The following OCA2 variants were observed in gnomAD, a reference collection of about 807,000 sequenced individuals.
The protein encoded by OCA2 is P protein.
In OCA2, 77 loss-of-function variants were observed where a neutral mutation model predicts 100.2. The observed-to-expected ratio is 0.77, with a 90% CI of 0.64 to 0.93. The LOEUF (loss-of-function observed/expected upper bound fraction) is 0.93. Among genes scored for constraint, OCA2 ranks in the 40% least tolerant of loss-of-function variants. The pLI is 0.00. For synonymous variants in OCA2, 432 were observed against 439.2 expected, an observed-to-expected ratio of 0.98 and a Z score of 0.21; for missense variants, 1,062 against 1,089.1, an observed-to-expected ratio of 0.98 and a Z score of 0.35.
chr15:27,785,394 G>A (rs961495644), intron 23 of OCA2, among the ~76,000 whole-genome samples: 5 of 151,976 alleles, frequency 3.3e-5, no homozygotes, highest in South Asian at 2.1e-4. Context: ...ATATATGAAC[G>A]AATTAACAAA....
At chr15:27,870,713 AAGGAAGGAAAGAAGGAAGG>A (rs1251136112) in intron 21 of OCA2, among the ~76,000 whole-genome samples, 1,553 of 117,532 alleles carry the variant, frequency 0.013, 29 homozygotes, top group African/African-American at 0.04. Flanking sequence ...GGAAGGAAGG[AAGGAAGGAAAGAAGGAAGG>A]AAGGGAGGGA....
At chr15:27,735,445 T>A in the OCA2 span, among the ~76,000 whole-genome samples, 2 of 152,022 alleles carry the variant, frequency 1.3e-5, no homozygotes, top group South Asian at 4.2e-4. Context: ...AAAGGATATT[T>A]AAAGAAATAA....
At chr15:28,027,742 T>A (rs2042796044) in intron 4 of OCA2, 129 bp downstream of exon 4, 1 of 955,224 alleles carries the variant, frequency 1.0e-6, no homozygotes, top group African/African-American at 1.6e-5. Flanking sequence ...GGAGGAAAAG[T>A]GCAGCCTGGC....
Position 27,897,889 on chromosome 15 carries a change from AC to A in OCA2, c.2080-25968del, listed in dbSNP as rs1269021341. On this transcript the variant is annotated intron_variant, in intron 19 of 23. Transcript: ENST00000354638. ...GACCGAGCTGCCCAAGACCATGGGA[AC>A]CCACCTCTTGCATCAGCATGACCCG... Among the ~76,000 whole-genome samples, 3 of 152,312 alleles carry A rather than the reference AC, an allele frequency of 2.0e-5. No individual in the cohort carries two copies. In the East Asian group the frequency reaches 5.8e-4, roughly 29 times the overall value.
At chr15:27,804,223 G>A (rs1222713687) in intron 23 of OCA2, among the ~76,000 whole-genome samples, 1 of 152,174 alleles carries the variant, frequency 6.6e-6, no homozygotes, top group South Asian at 2.1e-4. Flanking sequence ...TTTCACCCAG[G>A]AATTGTGAGA....
At chr15:27,843,129 C>G (rs530497584) in intron 23 of OCA2, among the ~76,000 whole-genome samples, 2 of 152,172 alleles carry the variant, frequency 1.3e-5, no homozygotes, top group South Asian at 2.1e-4. Flanking sequence ...ATGCTTTTTG[C>G]TCTCTGAAAT....
At chr15:27,885,929 T>C (rs1321352611) in intron 19 of OCA2, among the ~76,000 whole-genome samples, 3 of 152,188 alleles carry the variant, frequency 2.0e-5, no homozygotes, top group African/African-American at 7.2e-5. Flanking sequence ...ATTATTACAA[T>C]GTGTCATAGG....
intron 23 of OCA2, among the ~76,000 whole-genome samples, chr15:27,810,724 G>A (rs1459838686): frequency 6.6e-6 from 1 of 152,012 alleles, no homozygotes; most frequent in Non-Finnish European, 1.5e-5. Context: ...CATGAATAGA[G>A]AATTCTCCGA....
chr15:27,964,789 G>GC (rs1418488782), intron 15 of OCA2, among the ~76,000 whole-genome samples: 2 of 152,066 alleles, frequency 1.3e-5, no homozygotes, highest in East Asian at 3.9e-4. Flanking sequence ...CAAATTTGGA[G>GC]CCCTCTAAGC....
At chr15:27,878,632 G>C (rs1047222467) in intron 19 of OCA2, among the ~76,000 whole-genome samples, 10 of 152,056 alleles carry the variant, frequency 6.6e-5, no homozygotes. Flanking sequence ...CTGTTTTTGA[G>C]ACATTTTCCT....
chr15:27,913,816 G>GTGAA (rs2038494784), intron 19 of OCA2, among the ~76,000 whole-genome samples: 1 of 66,152 alleles, frequency 1.5e-5, no homozygotes, highest in Non-Finnish European at 2.9e-5. Context: ...AAAAAAAAAA[G>GTGAA]AGAAAGAAAG....
intron 16 of OCA2, 137 bp from the exon 17 acceptor site, chr15:27,955,352 G>A: frequency 4.1e-6 from 3 of 732,192 alleles, no homozygotes; most frequent in South Asian, 1.5e-5. Flanking sequence ...GTCATGGGGG[G>A]CCGGTGGGGC....
In OCA2 at chr15:27,957,299, A is replaced by G. The variant is rs1316718117; in HGVS notation, c.1784+289T>C. On this transcript the variant is annotated intron_variant, in intron 16 of 23. Transcript: ENST00000354638. The surrounding 1 kb of genome is among the most constrained non-coding windows in gnomAD (Gnocchi z 4.3). ...GAGATGGGACAGCCCAGCGGTTGAC[A>G]GTGAGAGCCCCATCCCCAGTGCCAC... Among the ~76,000 whole-genome samples, 2 of 152,184 alleles carry G rather than the reference A, an allele frequency of 1.3e-5. No homozygotes were observed. Among genetic ancestry groups the G allele is most frequent in the African/African-American group, 2.4e-5 (1 of 41,456 alleles).
chr15:27,851,576 A>G, intron 21 of OCA2, 101 bp from the exon 22 acceptor site: 1 of 919,374 alleles, frequency 1.1e-6, no homozygotes, highest in South Asian at 1.4e-5. Context: ...TCAGCATTCA[A>G]ACTCTAAGGA....
Position 28,022,580 on chromosome 15 carries a change from C to A in OCA2, c.574-7G>T, listed in dbSNP as rs2042628564. 3 of 1,610,364 alleles carry A rather than the reference C, an allele frequency of 1.9e-6. No homozygotes were observed. The highest frequency in any genetic ancestry group is 2.5e-6 in the Non-Finnish European group (3 of 1,176,632). The stretch of plus-strand genomic sequence containing the variant: ...GATATAGGCTGAACAAAATCTGTAA[C>A]AATCAGAAACGTTGAATGACAGAGG... On this transcript the variant is annotated splice_region_variant and splice_polypyrimidine_tract_variant and intron_variant, in intron 5 of 23. Coordinates refer to ENST00000354638, the MANE Select transcript of OCA2 (RefSeq NM_000275.3).
intron 21 of OCA2, among the ~76,000 whole-genome samples, chr15:27,852,292 C>A (rs1015748222): frequency 1.3e-5 from 2 of 152,120 alleles, no homozygotes; most frequent in Non-Finnish European, 2.9e-5. Flanking sequence ...AGCCAGTTTT[C>A]CCACCACCAT....
At chr15:27,966,256 T>G (rs1224596939) in intron 15 of OCA2, among the ~76,000 whole-genome samples, 1 of 152,206 alleles carries the variant, frequency 6.6e-6, no homozygotes, top group Non-Finnish European at 1.5e-5. Flanking sequence ...ATTACAGGCG[T>G]GAGCCACCGT....
At chr15:28,084,917 C>G (rs1207945285) in intron 1 of OCA2, among the ~76,000 whole-genome samples, 1 of 152,198 alleles carries the variant, frequency 6.6e-6, no homozygotes, top group African/African-American at 2.4e-5. Context: ...GTTTTATAGG[C>G]TATTACGTGT....
At chr15:27,935,117 G>A (rs1013093961) in intron 18 of OCA2, among the ~76,000 whole-genome samples, 5 of 152,154 alleles carry the variant, frequency 3.3e-5, no homozygotes, top group African/African-American at 4.8e-5. Flanking sequence ...AGCCACTGAC[G>A]GAAACATCCC....
Sources: allele counts gnomAD v4.1 joint callset (sites outside exome capture counted in the v4.1 genomes callset), GRCh38; gene constraint gnomAD v4.1.1; non-coding constraint Gnocchi (gnomAD v3.1); transcripts MANE v1.5; gene names NCBI Gene and HGNC (gene_info 2026-07-23, HGNC 2026-07-21).